Variants in PIK3CB observed in about 807,000 individuals in gnomAD.
The protein encoded by PIK3CB is phosphatidylinositol 4,5-bisphosphate 3-kinase catalytic subunit beta isoform.
In PIK3CB, 39 loss-of-function variants were observed where a neutral mutation model predicts 136.8. That is an observed-to-expected ratio of 0.29 (90% CI 0.22 to 0.37). The LOEUF is 0.37. Ranked by LOEUF, PIK3CB falls within the 10% of genes least tolerant of loss-of-function variation. The pLI is 1.00. For synonymous variants in PIK3CB, 428 were observed against 436.6 expected (o/e 0.98, Z 0.25); for missense variants, 868 against 1,275.4 (o/e 0.68, Z 4.87).
intron 4 of PIK3CB, among the ~76,000 whole-genome samples, chr3:138,751,434 G>T (rs1309067480): frequency 6.6e-6 from 1 of 151,654 alleles, no homozygotes; most frequent in Admixed American, 6.6e-5. Context: ...CTCCAGCCTG[G>T]GCGATAGAGC....
intron 2 of PIK3CB, among the ~76,000 whole-genome samples, chr3:138,785,373 T>C (rs1174637124): frequency 6.6e-6 from 1 of 152,126 alleles, no homozygotes; most frequent in African/African-American, 2.4e-5. Flanking sequence ...TTTTGTCGAA[T>C]AGAAAAGGGG....
rs1476348797 is a variant in PIK3CB, at chr3:138,743,471, T to A, written c.398-690A>T. ...GTCAAAAATCCCATAAACATAAAAT[T>A]GTTCTTTATTGTTTGGTTGATTCTC... On this transcript the variant is annotated intron_variant, in intron 4 of 23. Coordinates refer to ENST00000674063, the MANE Select transcript of PIK3CB (RefSeq NM_006219.3). Among the ~76,000 whole-genome samples the A allele has an allele frequency of 2.6e-5, 4 of 152,320 alleles. No homozygotes were observed. In the South Asian group the frequency reaches 8.3e-4, roughly 32 times the overall value.
At chr3:138,663,827 C>T (rs980533025) in intron 21 of PIK3CB, 79 bp downstream of exon 21, 2 of 1,405,782 alleles carry the variant, frequency 1.4e-6, no homozygotes, top group African/African-American at 1.5e-5. Flanking sequence ...AAGAATCTGG[C>T]TGAGTTGCAC....
chr3:138,783,979 A>G (rs2045947193), intron 2 of PIK3CB, among the ~76,000 whole-genome samples: 1 of 152,218 alleles, frequency 6.6e-6, no homozygotes, highest in Non-Finnish European at 1.5e-5. Context: ...AATGTAAATT[A>G]AAACCACACT....
chr3:138,790,235 G>T (rs1034116695), intron 2 of PIK3CB, among the ~76,000 whole-genome samples: 2 of 152,020 alleles, frequency 1.3e-5, no homozygotes, highest in African/African-American at 4.8e-5. Flanking sequence ...TTTCGGTTAG[G>T]GATGATGAAA....
intron 1 of PIK3CB, among the ~76,000 whole-genome samples, chr3:138,801,286 C>T (rs1232170850): frequency 6.6e-6 from 1 of 152,088 alleles, no homozygotes; most frequent in Non-Finnish European, 1.5e-5. Context: ...GCAGTTGTAC[C>T]ATAGCAATTT....
intron 2 of PIK3CB, among the ~76,000 whole-genome samples, chr3:138,783,598 C>T (rs1170296549): frequency 6.6e-6 from 1 of 151,982 alleles, no homozygotes; most frequent in Non-Finnish European, 1.5e-5. Flanking sequence ...GATATTTTAA[C>T]AGAGACAATG....
At chr3:138,758,700 A>G (rs368673925) in intron 3 of PIK3CB, among the ~76,000 whole-genome samples, 2 of 152,216 alleles carry the variant, frequency 1.3e-5, no homozygotes, top group African/African-American at 4.8e-5. Flanking sequence ...GCTTTTTGAA[A>G]AACATTAGAA....
intron 19 of PIK3CB, among the ~76,000 whole-genome samples, chr3:138,668,775 CA>C (rs924847371): frequency 6.6e-6 from 1 of 152,152 alleles, no homozygotes; most frequent in Non-Finnish European, 1.5e-5. Flanking sequence ...GCCTTCAGTG[CA>C]TCCATCACTG....
chr3:138,666,929 C>T (rs1465567581), intron 19 of PIK3CB, among the ~76,000 whole-genome samples: 3 of 152,070 alleles, frequency 2.0e-5, no homozygotes, highest in Admixed American at 6.5e-5. Context: ...TGGCCGGGTG[C>T]GGTGGCTCAC....
chr3:138,697,017 A>G (rs1467585547), intron 13 of PIK3CB, among the ~76,000 whole-genome samples: 2 of 152,234 alleles, frequency 1.3e-5, no homozygotes. Flanking sequence ...GATTATTTAT[A>G]ATTATTAAAA....
In PIK3CB at chr3:138,767,492, C is replaced by T. The variant is rs140057774; in HGVS notation, c.-16-8133G>A. On this transcript the variant is annotated intron_variant, in intron 2 of 23. Coordinates refer to ENST00000674063, the MANE Select transcript of PIK3CB (RefSeq NM_006219.3). ...GTGTTGTTTTTCTGGCCAGAAACAT[C>T]TGTGGCCAGTGGCGCCTTTGCCTTA... Among the ~76,000 whole-genome samples, 575 of 152,318 alleles carry T rather than the reference C, an allele frequency of 3.8e-3. 5 individuals are homozygous for T. Among genetic ancestry groups the T allele is most frequent in the African/African-American group, 0.013 (552 of 41,572 alleles).
At chr3:138,782,333 T>A (rs532910820) in intron 2 of PIK3CB, among the ~76,000 whole-genome samples, 1 of 152,338 alleles carries the variant, frequency 6.6e-6, no homozygotes, top group South Asian at 2.1e-4. Context: ...CATCTCATAA[T>A]CCTTCAAAAT....
chr3:138,675,959 CAACTATACATCTA>C, intron 19 of PIK3CB, among the ~76,000 whole-genome samples: 1 of 152,096 alleles, frequency 6.6e-6, no homozygotes, highest in Non-Finnish European at 1.5e-5. Context: ...GGTGCTGAGA[CAACTATACATCTA>C]AATGGAAAAG....
At chr3:138,779,522 G>T (rs987564235) in intron 2 of PIK3CB, among the ~76,000 whole-genome samples, 1 of 150,700 alleles carries the variant, frequency 6.6e-6, no homozygotes, top group African/African-American at 2.4e-5. Context: ...CTCCCGAGTA[G>T]TTGGGACCAC....
rs1577030102 is a variant in PIK3CB, at chr3:138,653,986, G to A, written c.*1403C>T. The stretch of plus-strand genomic sequence containing the variant: ...TGGAGTTCCAGTGCCAAGTTCCAAA[G>A]GCCCAGTCTACCCATAAAGAAGAGG... On this transcript the variant is annotated 3_prime_UTR_variant, in exon 24 of 24. Transcript: ENST00000674063. 5 of 197,484 alleles carry A rather than the reference G, an allele frequency of 2.5e-5. No homozygotes were observed. The East Asian group carries it at 3.9e-4, about 16-fold the overall frequency. The allele number at this position is 197,484 out of a possible 1,614,324, so 12.2% of individuals were successfully genotyped here.
At chr3:138,717,965 T>C (rs2044647094) in intron 8 of PIK3CB, among the ~76,000 whole-genome samples, 1 of 152,242 alleles carries the variant, frequency 6.6e-6, no homozygotes, top group African/African-American at 2.4e-5. Context: ...TTCCACATCT[T>C]TGCAATTGTG....
intron 1 of PIK3CB, among the ~76,000 whole-genome samples, chr3:138,804,409 G>A (rs895217290): frequency 5.3e-5 from 8 of 152,004 alleles, no homozygotes; most frequent in African/African-American, 1.7e-4. Flanking sequence ...AGCAACTCAG[G>A]AGGCTGAGGT....
At chr3:138,834,649 C>G (rs1373333928) in intron 1 of PIK3CB, 46 bp downstream of exon 1, 1 of 153,996 alleles carries the variant, frequency 6.5e-6, no homozygotes, top group Non-Finnish European at 1.4e-5. Context: ...CGCGACCCAG[C>G]CGCCCCTCAG....
Sources: gnomAD v4.1 joint callset for allele counts (sites outside exome capture counted in the v4.1 genomes callset) on GRCh38, gnomAD v4.1.1 for gene constraint, MANE v1.5 for transcripts, NCBI Gene and HGNC (gene_info 2026-07-23, HGNC 2026-07-21) for gene names.